Variants in SLC22A3 observed in about 807,000 individuals in gnomAD.
SLC22A3 encodes the protein EMT organic cation transporter 3.
Under a neutral mutation model 59.1 loss-of-function variants are expected in SLC22A3, and 51 were observed. The ratio of observed to expected loss-of-function variants is 0.86; its 90% CI spans 0.69 to 1.09. The LOEUF (loss-of-function observed/expected upper bound fraction) is 1.09, where lower values mean the gene tolerates loss of function less well. Ranked by LOEUF, SLC22A3 falls within the 50% of genes least tolerant of loss-of-function variation. SLC22A3 has a pLI of 0.00. For missense variants in SLC22A3, 711 were observed against 726.3 expected (o/e 0.98, Z 0.24); for synonymous variants, 325 against 292.0 (o/e 1.11, Z -1.15).
chr6:160,436,767 T>C lies in SLC22A3; in HGVS notation c.976-13T>C, dbSNP rs1289625083. On this transcript the variant is annotated splice_polypyrimidine_tract_variant and intron_variant, in intron 5 of 10. Transcript: ENST00000275300. ...TCTGTCTATTGCTACTGAAATCTGC[T>C]TTTCTTATATAGATCACTGTTACAG... 1 of 1,578,738 alleles carries C rather than the reference T, an allele frequency of 6.3e-7. No individual in the cohort carries two copies. Among genetic ancestry groups the C allele is most frequent in the African/African-American group, 1.3e-5 (1 of 74,248 alleles).
intron 5 of SLC22A3, among the ~76,000 whole-genome samples, chr6:160,413,153 G>C (rs189423646): frequency 1.3e-5 from 2 of 152,306 alleles, no homozygotes; most frequent in East Asian, 3.9e-4. Flanking sequence ...TGTGATGATA[G>C]TGAGTATCAC....
At chr6:160,420,606 T>C (rs1285415145) in intron 5 of SLC22A3, among the ~76,000 whole-genome samples, 1 of 152,198 alleles carries the variant, frequency 6.6e-6, no homozygotes, top group Non-Finnish European at 1.5e-5. Context: ...ACTCAGGCAG[T>C]GTCCAGCAGG....
intron 1 of SLC22A3, among the ~76,000 whole-genome samples, chr6:160,372,460 T>G (rs575607123): frequency 3.9e-5 from 6 of 152,320 alleles, no homozygotes; most frequent in African/African-American, 1.4e-4. Context: ...TTGGTGAATC[T>G]GACGATTATG....
At chr6:160,377,658 T>C (rs1785650446) in intron 1 of SLC22A3, among the ~76,000 whole-genome samples, 1 of 152,162 alleles carries the variant, frequency 6.6e-6, no homozygotes. Flanking sequence ...TCTCTTTTCC[T>C]GATTCCAATC....
chr6:160,449,822 G>A (rs896171608), intron 10 of SLC22A3, among the ~76,000 whole-genome samples: 3 of 152,096 alleles, frequency 2.0e-5, no homozygotes, highest in African/African-American at 7.2e-5. Flanking sequence ...ATCACATATC[G>A]GTAGGACTGT....
At chr6:160,427,233 G>A (rs113400078) in intron 5 of SLC22A3, among the ~76,000 whole-genome samples, 1 of 152,194 alleles carries the variant, frequency 6.6e-6, no homozygotes, top group African/African-American at 2.4e-5. Context: ...TGCAGGAAAT[G>A]AGGGAAGGCT....
intron 7 of SLC22A3, 74 bp from the exon 8 acceptor site, chr6:160,442,686 AC>A: frequency 8.9e-7 from 1 of 1,122,542 alleles, no homozygotes. Flanking sequence ...CTAAGCAAAT[AC>A]TTTTTGTTGT....
intron 1 of SLC22A3, among the ~76,000 whole-genome samples, chr6:160,395,456 G>C (rs939212748): frequency 3.3e-5 from 5 of 152,166 alleles, no homozygotes; most frequent in African/African-American, 1.2e-4. Flanking sequence ...GACACTGGTT[G>C]ATACTTTTCC....
In SLC22A3 at chr6:160,414,377, A is replaced by G. The variant is rs565760043; in HGVS notation, c.975+3531A>G. Among the ~76,000 whole-genome samples, 3 of 152,330 alleles carry G rather than the reference A, an allele frequency of 2.0e-5. No individual in the cohort carries two copies. The South Asian group carries it at 6.2e-4, about 32-fold the overall frequency. On this transcript the variant is annotated intron_variant, in intron 5 of 10. Transcript: ENST00000275300. ...GAGATATAGCTCATATAGGGAAGACAAGACATATGCATCATTTTTTCTTTT... is the reference window on the plus strand; with the variant it reads ...GAGATATAGCTCATATAGGGAAGACGAGACATATGCATCATTTTTTCTTTT...
chr6:160,428,792 C>T (rs960694995), intron 5 of SLC22A3, among the ~76,000 whole-genome samples: 1 of 152,148 alleles, frequency 6.6e-6, no homozygotes, highest in Non-Finnish European at 1.5e-5. Context: ...AATATTTCCC[C>T]ATCGTATATG....
chr6:160,428,272 C>T (rs1257083117), intron 5 of SLC22A3, among the ~76,000 whole-genome samples: 1 of 152,164 alleles, frequency 6.6e-6, no homozygotes, highest in Non-Finnish European at 1.5e-5. Context: ...GGCAGCATGC[C>T]CAGTCATCTA....
chr6:160,425,878 C>G (rs1484545033), intron 5 of SLC22A3: 1 of 985,286 alleles, frequency 1.0e-6, no homozygotes, highest in African/African-American at 1.7e-5. Context: ...AGAGACCAGC[C>G]ATGAGACATA....
intron 2 of SLC22A3, among the ~76,000 whole-genome samples, chr6:160,399,357 A>G (rs1450937722): frequency 3.3e-5 from 5 of 151,646 alleles, no homozygotes; most frequent in Admixed American, 3.3e-4. Flanking sequence ...ATATTTATTT[A>G]TTTTGTTTTG....
At position 160,408,910 on chromosome 6, in the gene SLC22A3, C is replaced by T. The variant is rs931343063; in HGVS notation, c.846C>T (p.Leu282=). Residue 282 remains leucine, a synonymous_variant, in exon 4 of 11, where the codon CTC becomes CTT. Coordinates refer to ENST00000275300, the MANE Select transcript of SLC22A3 (RefSeq NM_021977.4). The stretch of plus-strand genomic sequence containing the variant: ...TCACGCTGCCCAGCTTTCTCTTCCT[C>T]CTTTATTACTGGTAATGTGGTTTTG... ...LAITLPSFLF[L]LYYWVVPESP... 6.2e-7 allele frequency: 1 copy of T among 1,613,476 alleles called. No homozygotes were observed. The highest frequency in any genetic ancestry group is 8.5e-7 in the Non-Finnish European group (1 of 1,179,734).
At chr6:160,396,045 A>G (rs1027891516) in intron 1 of SLC22A3, among the ~76,000 whole-genome samples, 1 of 152,214 alleles carries the variant, frequency 6.6e-6, no homozygotes, top group Non-Finnish European at 1.5e-5. Context: ...TAAGGGAGCC[A>G]GTTTTCAGAT....
Position 160,348,652 on chromosome 6 carries a change from C to G in SLC22A3, c.233C>G (p.Ser78Cys). 6.7e-7 allele frequency: 1 copy of G among 1,503,468 alleles called. No homozygotes were observed. The highest frequency in any genetic ancestry group is 2.3e-4 in the Middle Eastern group (1 of 4,262). The allele number at this position is 1,503,468 out of a possible 1,614,324, so 93.1% of individuals were successfully genotyped here. A position where few individuals can be genotyped will look rare whatever the true frequency, so the allele number is the denominator to read the frequency against. Residue 78 changes from serine (S) to cysteine (C), a missense_variant, in exon 1 of 11, where the codon TCC becomes TGC. Coordinates refer to ENST00000275300, the MANE Select transcript of SLC22A3 (RefSeq NM_021977.4). ...GAGTGGAACCGCACGGCGCCCGCCTCCCGCGGCCCAGAGCCCCCCGAGCGC... is the reference window on the plus strand; with the variant it reads ...GAGTGGAACCGCACGGCGCCCGCCTGCCGCGGCCCAGAGCCCCCCGAGCGC... ...EEEWNRTAPASRGPEPPERRG... is the reference protein window; with the variant it reads ...EEEWNRTAPACRGPEPPERRG...
intron 1 of SLC22A3, 145 bp from the exon 2 acceptor site, chr6:160,397,834 C>A: frequency 1.5e-6 from 1 of 677,980 alleles, no homozygotes; most frequent in Non-Finnish European, 2.7e-6. Context: ...TTAATGTAAA[C>A]ATACGTATGT....
intron 1 of SLC22A3, among the ~76,000 whole-genome samples, chr6:160,376,423 A>C (rs981376172): frequency 6.6e-6 from 1 of 152,186 alleles, no homozygotes; most frequent in African/African-American, 2.4e-5. Flanking sequence ...CGTGGGTCTT[A>C]AAATATAGAT....
At chr6:160,428,040 T>C (rs1788025834) in intron 5 of SLC22A3, among the ~76,000 whole-genome samples, 1 of 152,178 alleles carries the variant, frequency 6.6e-6, no homozygotes, top group African/African-American at 2.4e-5. Flanking sequence ...TTCTCTTCTT[T>C]TTTCCTTTCT....
Sources: gnomAD v4.1 joint callset for allele counts (sites outside exome capture counted in the v4.1 genomes callset) on GRCh38, gnomAD v4.1.1 for gene constraint, MANE v1.5 for transcripts, NCBI Gene and HGNC (gene_info 2026-07-23, HGNC 2026-07-21) for gene names.